The following SCMH1 variants were observed in gnomAD, a reference collection of about 807,000 sequenced individuals.
SCMH1 encodes the protein Scm polycomb group protein homolog 1.
In SCMH1, 37 loss-of-function variants were observed where a neutral mutation model predicts 70.8. The observed-to-expected ratio is 0.52, with a 90% CI of 0.40 to 0.69. The LOEUF is 0.69. SCMH1 is among the 30% of genes least tolerant of loss of function. The pLI is 0.00. For missense variants in SCMH1, 607 were observed against 827.3 expected (o/e 0.73, Z 3.27); for synonymous variants, 292 against 307.4 (o/e 0.95, Z 0.52).
chr1:41,126,634 T>C (rs545578314), intron 6 of SCMH1, among the ~76,000 whole-genome samples: 107 of 152,146 alleles, frequency 7.0e-4, no homozygotes, highest in Non-Finnish European at 1.4e-3. Context: ...TCCCCTTCTC[T>C]TTCCCAAAAG....
chr1:41,118,359 T>C (rs1227753364), intron 6 of SCMH1, among the ~76,000 whole-genome samples: 4 of 152,110 alleles, frequency 2.6e-5, no homozygotes, highest in Admixed American at 6.6e-5. Context: ...AAAGATGTGA[T>C]AGGATTAACG....
At chr1:41,171,624 G>A (rs1446521287) in intron 2 of SCMH1, among the ~76,000 whole-genome samples, 1 of 151,920 alleles carries the variant, frequency 6.6e-6, no homozygotes, top group African/African-American at 2.4e-5. Context: ...ATAAGCACAT[G>A]AAGCATTCTC....
At chr1:41,145,616 T>G (rs1170764068) in intron 5 of SCMH1, among the ~76,000 whole-genome samples, 1 of 152,168 alleles carries the variant, frequency 6.6e-6, no homozygotes, top group African/African-American at 2.4e-5. Flanking sequence ...TTGACAGAGA[T>G]TGTGTTGAAT....
chr1:41,149,430 T>C (rs1187275175), intron 5 of SCMH1, among the ~76,000 whole-genome samples: 2 of 152,226 alleles, frequency 1.3e-5, no homozygotes, highest in African/African-American at 4.8e-5. Context: ...TTAATGTGTT[T>C]GTCTGCTATT....
intron 8 of SCMH1, among the ~76,000 whole-genome samples, chr1:41,084,011 A>C (rs975491179): frequency 2.6e-5 from 4 of 152,172 alleles, no homozygotes; most frequent in East Asian, 3.9e-4. Context: ...TAGACCTAAA[A>C]CCATAAAAAC....
intron 13 of SCMH1, among the ~76,000 whole-genome samples, chr1:41,032,492 GT>G (rs1644667093): frequency 6.6e-6 from 1 of 152,226 alleles, no homozygotes; most frequent in South Asian, 2.1e-4. Context: ...GGATGTGTGT[GT>G]TGAGGAAGAG....
At chr1:41,086,630 C>A (rs1281259371) in intron 8 of SCMH1, among the ~76,000 whole-genome samples, 1 of 151,956 alleles carries the variant, frequency 6.6e-6, no homozygotes, top group Non-Finnish European at 1.5e-5. Flanking sequence ...CACAACCAGG[C>A]ACTGTAGCTC....
rs191114224 is a variant in SCMH1, at chr1:41,219,002, A to C, written c.-118+23057T>G. On this transcript the variant is annotated intron_variant, in intron 1 of 14. Coordinates refer to ENST00000337495, the Ensembl canonical transcript of SCMH1. ...ATGTGGGCTAGTGACCAGAAGAACA[A>C]ACCATATGATTAGAGGGCTGGGGCT... Among the ~76,000 whole-genome samples, 176 of 152,348 alleles carry C rather than the reference A, an allele frequency of 1.2e-3. 1 individual carries two copies. The highest frequency in any genetic ancestry group is 3.8e-3 in the African/African-American group (158 of 41,586).
chr1:41,110,655 C>G lies in SCMH1; in HGVS notation c.745+2628G>C, dbSNP rs77850347. On this transcript the variant is annotated intron_variant, in intron 8 of 14. Transcript: ENST00000337495. The stretch of plus-strand genomic sequence containing the variant: ...TTTTATTGCCAATTAGTATTTTGTC[C>G]TCTAGCTATACCACATTTTATTTAT... 3.3e-4 allele frequency among the ~76,000 whole-genome samples: 50 copies of G among 152,210 alleles called. 1 individual carries two copies. The East Asian group carries it at 8.5e-3, about 26-fold the overall frequency.
At chr1:41,120,349 C>T (rs757490058) in intron 6 of SCMH1, among the ~76,000 whole-genome samples, 1 of 152,102 alleles carries the variant, frequency 6.6e-6, no homozygotes, top group African/African-American at 2.4e-5. Flanking sequence ...CCATTTCTTA[C>T]TCAATATTTG....
rs115852781 is a variant in SCMH1, at chr1:41,228,655, C to T, written c.-118+13404G>A. Among the ~76,000 whole-genome samples, 1,066 of 151,290 alleles carry T rather than the reference C, an allele frequency of 7.0e-3. 7 individuals carry two copies. Among genetic ancestry groups the T allele is most frequent in the African/African-American group, 0.024 (1,007 of 41,210 alleles). On this transcript the variant is annotated intron_variant, in intron 1 of 14. Coordinates refer to ENST00000337495, the Ensembl canonical transcript of SCMH1. The stretch of plus-strand genomic sequence containing the variant: ...AAAAAATTAGCTGGGTGTGATGGTG[C>T]GCACCTGTGGTTCCAGGTACTTAGG...
chr1:41,077,331 A>T (rs939110976), intron 8 of SCMH1, among the ~76,000 whole-genome samples: 2 of 152,172 alleles, frequency 1.3e-5, no homozygotes, highest in Non-Finnish European at 2.9e-5. Flanking sequence ...AGCTGCTGCG[A>T]CAAACTGGAA....
intron 2 of SCMH1, among the ~76,000 whole-genome samples, chr1:41,170,291 T>C (rs746697542): frequency 6.6e-5 from 10 of 152,190 alleles, no homozygotes; most frequent in African/African-American, 9.6e-5. Flanking sequence ...CTCCTCTCCA[T>C]GGGGAGAAGT....
rs765165912 is a variant in SCMH1 at position 41,046,635 on chromosome 1, T to C, written c.1307-37A>G. On this transcript the variant is annotated intron_variant, in intron 11 of 14. Coordinates refer to ENST00000337495, the Ensembl canonical transcript of SCMH1. ...GTAAACAGGGCCAAGCATGTCAGCC[T>C]GGCAGTGGAGTACAGCGCTAGGCAG... The C allele has an allele frequency of 2.6e-6, 4 of 1,558,684 alleles. No individual in the cohort carries two copies. In the South Asian group the frequency reaches 4.5e-5, roughly 17 times the overall value.
At chr1:41,097,984 T>G (rs1350146141) in intron 8 of SCMH1, among the ~76,000 whole-genome samples, 1 of 152,240 alleles carries the variant, frequency 6.6e-6, no homozygotes, top group Non-Finnish European at 1.5e-5. Flanking sequence ...GCTGGTGCCT[T>G]GCATGTTAGC....
At chr1:41,142,825 T>C in intron 6 of SCMH1, 53 bp downstream of exon 6, 1 of 1,470,240 alleles carries the variant, frequency 6.8e-7, no homozygotes. Flanking sequence ...GTTCAGTTTT[T>C]GGACGCTAAC....
intron 1 of SCMH1, among the ~76,000 whole-genome samples, chr1:41,189,397 C>T (rs527690634): frequency 7.9e-5 from 12 of 152,146 alleles, no homozygotes; most frequent in African/African-American, 4.8e-5. Flanking sequence ...GTGATCCACC[C>T]GCCTCGGCCT....
intron 8 of SCMH1, among the ~76,000 whole-genome samples, chr1:41,082,714 G>A (rs1038752431): frequency 1.2e-3 from 188 of 152,076 alleles, no homozygotes; most frequent in Non-Finnish European, 1.1e-3. Context: ...ACATTGATGC[G>A]AAAATCCTCA....
intron 10 of SCMH1, among the ~76,000 whole-genome samples, chr1:41,051,982 AAGT>A (rs1648341716): frequency 6.6e-6 from 1 of 152,236 alleles, no homozygotes; most frequent in African/African-American, 2.4e-5. Context: ...CATTCACGGT[AAGT>A]ACCCTGTATA....
Sources: allele counts gnomAD v4.1 joint callset (sites outside exome capture counted in the v4.1 genomes callset), GRCh38; gene constraint gnomAD v4.1.1; transcripts MANE v1.5; gene names NCBI Gene and HGNC (gene_info 2026-07-23, HGNC 2026-07-21).